Variants in PYGB observed in about 807,000 individuals in gnomAD.
PYGB encodes glycogen phosphorylase B, also known as glycogen phosphorylase, brain form.
Under a neutral mutation model 94.3 loss-of-function variants are expected in PYGB, and 82 were observed. The observed-to-expected ratio is 0.87, with a 90% CI of 0.73 to 1.04. The LOEUF (loss-of-function observed/expected upper bound fraction) is 1.04. Among genes scored for constraint, PYGB ranks in the 50% least tolerant of loss-of-function variants. The probability of loss-of-function intolerance (pLI) is 0.00; values close to 1 mark genes in which losing one functional copy is unlikely to be tolerated. For missense variants in PYGB, 1,132 were observed against 1,158.2 expected, an observed-to-expected ratio of 0.98 and a Z score of 0.33; for synonymous variants, 488 against 479.1, an observed-to-expected ratio of 1.02 and a Z score of -0.24.
At chr20:25,280,192 A>C in intron 9 of PYGB, 74 bp from the exon 10 acceptor site, 1 of 1,553,344 alleles carries the variant, frequency 6.4e-7, no homozygotes, top group Non-Finnish European at 8.8e-7. Context: ...CTGGACGCTC[A>C]CCCTGCCTAG....
In PYGB at chr20:25,294,424, A is replaced by G. The variant is rs1027875339; in HGVS notation, c.2312+132A>G. On this transcript the variant is annotated intron_variant, in intron 18 of 19. Coordinates refer to ENST00000216962, the MANE Select transcript of PYGB (RefSeq NM_002862.4). ...TCAGGACGTCTTCTCCACTGTGCCC[A>G]TGAGACCTTACTGGGCAGAGCCTTA... 8.4e-6 allele frequency: 10 copies of G among 1,186,710 alleles called. No individual in the cohort carries two copies. In the African/African-American group the frequency reaches 1.1e-4, roughly 13 times the overall value. The allele number at this position is 1,186,710 out of a possible 1,614,324, so 73.5% of individuals were successfully genotyped here. A position where few individuals can be genotyped will look rare whatever the true frequency, so the allele number is the denominator to read the frequency against.
intron 4 of PYGB, among the ~76,000 whole-genome samples, chr20:25,273,241 C>T (rs922266613): frequency 6.6e-5 from 10 of 152,220 alleles, no homozygotes; most frequent in Non-Finnish European, 1.0e-4. Context: ...CTTCTGCCGA[C>T]GACTCCTGGA....
Position 25,279,117 on chromosome 20 carries a change from C to T in PYGB, c.1060C>T (p.Leu354=), listed in dbSNP as rs752249247. 43 of 1,614,000 alleles carry T rather than the reference C, an allele frequency of 2.7e-5. No individual in the cohort carries two copies. The Middle Eastern group carries it at 5.0e-4, about 19-fold the overall frequency. Residue 354 remains leucine, a synonymous_variant, in exon 9 of 20, where the codon CTG becomes TTG. Transcript: ENST00000216962. ...ALSIPELMRI[L]VDVEKVDWDK... ...CTCCATCCCTGAGCTCATGCGGATC[C>T]TGGTGGACGTGGAGAAGGTGGACTG...
chr20:25,264,090 G>A (rs1237386404), intron 2 of PYGB, among the ~76,000 whole-genome samples: 2 of 152,146 alleles, frequency 1.3e-5, no homozygotes, highest in Non-Finnish European at 2.9e-5. Context: ...ATGATCAAGT[G>A]GGGTTCATCC....
rs200309794 is a variant in PYGB, at chr20:25,288,436, G to C, written c.1780G>C (p.Asp594His). The C allele has an allele frequency of 1.6e-5, 26 of 1,614,196 alleles. No homozygotes were observed. In the East Asian group the frequency reaches 4.9e-4, roughly 30 times the overall value. The stretch of plus-strand genomic sequence containing the variant: ...CGTGTGTCCTGCAGGAATCAAGAGA[G>C]ACCCGGCCAAGGCTTTTGTGCCCAG... ...VVTLYNRIKR[D>H]PAKAFVPRTV... The change falls in exon 15 of 20, where the codon GAC (aspartate) becomes CAC (histidine). Residue 594 changes from aspartate (D) to histidine (H), a missense_variant. Coordinates refer to ENST00000216962, the MANE Select transcript of PYGB (RefSeq NM_002862.4).
At chr20:25,288,876 C>T (rs1418878705) in intron 15 of PYGB, among the ~76,000 whole-genome samples, 1 of 152,178 alleles carries the variant, frequency 6.6e-6, no homozygotes, top group Non-Finnish European at 1.5e-5. Flanking sequence ...CTTTCAGAGT[C>T]CTAGATGTGC....
intron 2 of PYGB, among the ~76,000 whole-genome samples, chr20:25,268,662 A>G (rs189941825): frequency 6.6e-6 from 1 of 152,328 alleles, no homozygotes. Flanking sequence ...TGCCATAATG[A>G]GAGTACTGAG....
At chr20:25,284,790 C>T (rs1328288243) in intron 14 of PYGB, 1 of 152,292 alleles carries the variant, frequency 6.6e-6, no homozygotes, top group African/African-American at 2.4e-5. Context: ...AAAGATTATG[C>T]TTATTAGAGG....
At chr20:25,272,676 AT>A (rs1215154009) in intron 4 of PYGB, among the ~76,000 whole-genome samples, 1 of 152,204 alleles carries the variant, frequency 6.6e-6, no homozygotes, top group East Asian at 1.9e-4. Context: ...CCATTGCTTG[AT>A]TTGTGGAGAT....
At position 25,265,619 on chromosome 20, in the gene PYGB, G is replaced by T. The variant is rs1450918033; in HGVS notation, c.346-3510G>T. Among the ~76,000 whole-genome samples the T allele has an allele frequency of 3.5e-5, 5 of 142,686 alleles. No homozygotes were observed. In the East Asian group the frequency reaches 8.3e-4, roughly 24 times the overall value. The allele number at this position is 142,686 out of a possible 152,430, so 93.6% of individuals were successfully genotyped here. A position where few individuals can be genotyped will look rare whatever the true frequency, so the allele number is the denominator to read the frequency against. On this transcript the variant is annotated intron_variant, in intron 2 of 19. Transcript: ENST00000216962. The stretch of plus-strand genomic sequence containing the variant: ...TTTTTTTTTTTTTTTTTTTGAAATG[G>T]AGTCTTGCTCTGTCGCCCAGGCTGG...
At chr20:25,248,693 G>T (rs73904032) in intron 1 of PYGB, among the ~76,000 whole-genome samples, 1,573 of 152,146 alleles carry the variant, frequency 0.01, 20 homozygotes, top group African/African-American at 0.033. Context: ...TGCTGAGCCC[G>T]GGAGCCTGGC....
At chr20:25,255,056 C>G (rs2092899334) in intron 1 of PYGB, among the ~76,000 whole-genome samples, 1 of 152,196 alleles carries the variant, frequency 6.6e-6, no homozygotes, top group South Asian at 2.1e-4. Context: ...CATGGGAAGC[C>G]AAGTTTCCCT....
At chr20:25,265,803 G>T (rs1013892851) in intron 2 of PYGB, among the ~76,000 whole-genome samples, 1 of 151,620 alleles carries the variant, frequency 6.6e-6, no homozygotes, top group African/African-American at 2.4e-5. Context: ...CACCATGTTA[G>T]CCAGGATGGT....
intron 1 of PYGB, 91 bp downstream of exon 1, chr20:25,248,512 G>C: frequency 3.2e-6 from 4 of 1,254,402 alleles, no homozygotes; most frequent in Non-Finnish European, 4.0e-6. Context: ...GGGGCGGCCC[G>C]TCGGGCGTTA....
At chr20:25,293,302 G>C (rs955197486) in intron 17 of PYGB, among the ~76,000 whole-genome samples, 1 of 152,046 alleles carries the variant, frequency 6.6e-6, no homozygotes, top group East Asian at 1.9e-4. Flanking sequence ...CAACTCCACC[G>C]GGGTTCTGTT....
chr20:25,269,211 A>C lies in PYGB; in HGVS notation c.424+4A>C. ...GGAGGCCTGGGGAGGCTGGCAGGTAAGTTGCCCCATCCAGGAGGAGCTCTC... is the reference window on the plus strand; with the variant it reads ...GGAGGCCTGGGGAGGCTGGCAGGTACGTTGCCCCATCCAGGAGGAGCTCTC... On this transcript the variant is annotated splice_donor_region_variant and intron_variant, in intron 3 of 19. Transcript: ENST00000216962. 6.4e-7 allele frequency: 1 copy of C among 1,570,308 alleles called. No homozygotes were observed. Among genetic ancestry groups the C allele is most frequent in the Non-Finnish European group, 8.8e-7 (1 of 1,141,116 alleles).
chr20:25,286,134 G>A (rs565901774), intron 14 of PYGB, among the ~76,000 whole-genome samples: 21 of 152,374 alleles, frequency 1.4e-4, no homozygotes, highest in East Asian at 3.9e-4. Context: ...GGTGTTGGCC[G>A]TTACAGGGCA....
In PYGB at chr20:25,248,148, C is replaced by A; in HGVS notation, c.-31C>A. The A allele has an allele frequency of 6.4e-7, 1 of 1,564,800 alleles. No individual in the cohort carries two copies. The highest frequency in any genetic ancestry group is 8.6e-7 in the Non-Finnish European group (1 of 1,156,866). ...TCGCGTGTGCCGCCGCTTTCCTCCT[C>A]CATCTCTTTTCCTCCGCCTCCGCCG... On this transcript the variant is annotated 5_prime_UTR_variant, in exon 1 of 20. Coordinates refer to ENST00000216962, the MANE Select transcript of PYGB (RefSeq NM_002862.4).
chr20:25,255,622 G>A (rs756173889), intron 1 of PYGB, among the ~76,000 whole-genome samples: 3 of 152,118 alleles, frequency 2.0e-5, no homozygotes, highest in Non-Finnish European at 4.4e-5. Context: ...CGACAGAATC[G>A]AATACACAAA....
Sources: allele counts gnomAD v4.1 joint callset (sites outside exome capture counted in the v4.1 genomes callset), GRCh38; gene constraint gnomAD v4.1.1; transcripts MANE v1.5; gene names NCBI Gene and HGNC (gene_info 2026-07-23, HGNC 2026-07-21).